Variants in SCYL2 observed in about 807,000 individuals in gnomAD.
SCYL2 encodes SCY1 like pseudokinase 2.
A neutral mutation model predicts 100.4 loss-of-function variants in SCYL2; 36 were observed. The observed-to-expected ratio is 0.36, with a 90% CI of 0.27 to 0.47. The LOEUF (loss-of-function observed/expected upper bound fraction) is 0.47. Among genes scored for constraint, SCYL2 ranks in the 20% least tolerant of loss-of-function variants. The pLI is 1.00. For synonymous variants in SCYL2, 330 were observed against 359.2 expected, an observed-to-expected ratio of 0.92 and a Z score of 0.92; for missense variants, 902 against 1,083.9, an observed-to-expected ratio of 0.83 and a Z score of 2.36.
At chr12:100,323,711 A>G in intron 11 of SCYL2, 73 bp downstream of exon 11, 1 of 791,618 alleles carries the variant, frequency 1.3e-6, no homozygotes, top group African/African-American at 1.7e-5. Context: ...TTATTGTTTA[A>G]TAACCCTTTT....
intron 3 of SCYL2, among the ~76,000 whole-genome samples, chr12:100,294,024 G>A (rs1395068294): frequency 3.0e-4 from 46 of 150,880 alleles, no homozygotes; most frequent in African/African-American, 9.7e-4. Context: ...ATCCTGGCCC[G>A]TTCTCAATGA....
At chr12:100,285,533 G>A (rs899448182) in intron 2 of SCYL2, among the ~76,000 whole-genome samples, 2 of 152,122 alleles carry the variant, frequency 1.3e-5, no homozygotes, top group African/African-American at 4.8e-5. Flanking sequence ...AGCAGTTACA[G>A]TTTCTTCACA....
chr12:100,297,817 G>A (rs1201535588), intron 3 of SCYL2, among the ~76,000 whole-genome samples: 2 of 152,004 alleles, frequency 1.3e-5, no homozygotes, highest in Admixed American at 1.3e-4. Flanking sequence ...ACAACACTTA[G>A]TTTAAAAGAC....
chr12:100,313,013 T>G lies in SCYL2; in HGVS notation c.852+360T>G, dbSNP rs1287970563. ...GGTGGCACATGCCTGTAGTCCCAGC[T>G]ACTTGGAAGGCCGATCAGGGTGGGA... On this transcript the variant is annotated intron_variant, in intron 6 of 17. Transcript: ENST00000360820. Among the ~76,000 whole-genome samples, 3 of 152,102 alleles carry G rather than the reference T, an allele frequency of 2.0e-5. No individual in the cohort carries two copies. In the East Asian group the frequency reaches 5.8e-4, roughly 29 times the overall value.
intron 9 of SCYL2, among the ~76,000 whole-genome samples, chr12:100,317,077 CAGAG>C (rs2096349711): frequency 6.7e-6 from 1 of 148,242 alleles, no homozygotes; most frequent in Admixed American, 6.8e-5. Context: ...GCCTGGGTGA[CAGAG>C]TGAGTGAGGC....
At chr12:100,303,376 T>C (rs546209141) in intron 4 of SCYL2, among the ~76,000 whole-genome samples, 1 of 152,356 alleles carries the variant, frequency 6.6e-6, no homozygotes, top group African/African-American at 2.4e-5. Flanking sequence ...TTTCCTCATC[T>C]TCATGGATTT....
chr12:100,291,468 T>C, intron 2 of SCYL2, 35 bp from the exon 3 acceptor site: 1 of 1,353,184 alleles, frequency 7.4e-7, no homozygotes, highest in Non-Finnish European at 1.0e-6. Flanking sequence ...CTTTTCTATA[T>C]TTCTTGACTA....
chr12:100,304,488 T>A (rs1264363217), intron 4 of SCYL2, among the ~76,000 whole-genome samples: 1 of 152,152 alleles, frequency 6.6e-6, no homozygotes, highest in Non-Finnish European at 1.5e-5. Flanking sequence ...ATACAGTCTC[T>A]CATGGCTTCC....
chr12:100,311,226 G>A (rs754386691), intron 5 of SCYL2, 33 bp downstream of exon 5: 6 of 1,567,414 alleles, frequency 3.8e-6, no homozygotes, highest in Non-Finnish European at 4.3e-6. Flanking sequence ...AATTTTTGAG[G>A]CCAGGGAAAT....
intron 2 of SCYL2, 64 bp downstream of exon 2, chr12:100,283,211 G>A (rs1019818226): frequency 3.6e-6 from 5 of 1,391,852 alleles, no homozygotes; most frequent in African/African-American, 2.9e-5. Context: ...AAATGCATGT[G>A]TGCATTTTTA....
In SCYL2 at chr12:100,341,555, T is replaced by C. The variant is rs1450751192; in HGVS notation, c.*2383T>C. The C allele has an allele frequency of 6.6e-6, 1 of 152,210 alleles. No homozygotes were observed. The highest frequency in any genetic ancestry group is 2.4e-5 in the African/African-American group (1 of 41,458). 9.4% of individuals were successfully genotyped at this position (152,210 alleles called of 1,614,324 possible). A position where few individuals can be genotyped will look rare whatever the true frequency, so the allele number is the denominator to read the frequency against. ...TTTGTTTGTTTTTATTTTGGAATGC[T>C]TATAAGCCTCCTTTACACTGAATAA... On this transcript the variant is annotated 3_prime_UTR_variant, in exon 18 of 18. Coordinates refer to ENST00000360820, the MANE Select transcript of SCYL2 (RefSeq NM_017988.6).
At chr12:100,293,716 G>C (rs922081334) in intron 3 of SCYL2, among the ~76,000 whole-genome samples, 2 of 151,848 alleles carry the variant, frequency 1.3e-5, no homozygotes, top group African/African-American at 4.8e-5. Context: ...TGAGATTAGG[G>C]AGTGGTGACG....
chr12:100,313,661 T>G, intron 7 of SCYL2, 123 bp downstream of exon 7: 1 of 597,952 alleles, frequency 1.7e-6, no homozygotes, highest in South Asian at 2.1e-5. Context: ...TAAGTTCTTC[T>G]AAAGCAACAG....
intron 3 of SCYL2, among the ~76,000 whole-genome samples, chr12:100,295,905 T>C (rs2096319760): frequency 6.6e-6 from 1 of 152,052 alleles, no homozygotes; most frequent in Non-Finnish European, 1.5e-5. Context: ...GTGAGCTCCA[T>C]GGAGCAGATG....
At chr12:100,277,193 C>A (rs945177392) in intron 1 of SCYL2, among the ~76,000 whole-genome samples, 3 of 152,132 alleles carry the variant, frequency 2.0e-5, no homozygotes, top group Admixed American at 2.0e-4. Flanking sequence ...TACGTGTCTA[C>A]ATGAAAACCA....
intron 10 of SCYL2, among the ~76,000 whole-genome samples, chr12:100,320,374 G>A (rs926054371): frequency 1.3e-5 from 2 of 151,720 alleles, no homozygotes; most frequent in African/African-American, 2.4e-5. Context: ...GCGAAACCCC[G>A]TCTCTACTAA....
At chr12:100,310,472 A>G (rs1291680622) in intron 4 of SCYL2, among the ~76,000 whole-genome samples, 1 of 152,216 alleles carries the variant, frequency 6.6e-6, no homozygotes, top group African/African-American at 2.4e-5. Flanking sequence ...GTCAGTGTGC[A>G]TTGGCTTGCC....
intron 2 of SCYL2, among the ~76,000 whole-genome samples, chr12:100,288,468 G>C (rs1375104910): frequency 1.3e-5 from 2 of 151,988 alleles, no homozygotes; most frequent in Non-Finnish European, 2.9e-5. Context: ...TTTTCTTCGT[G>C]AACTATAGTG....
intron 3 of SCYL2, 35 bp downstream of exon 3, chr12:100,291,695 C>T (rs753694549): frequency 6.6e-7 from 1 of 1,519,928 alleles, no homozygotes; most frequent in Non-Finnish European, 8.8e-7. Context: ...AGTAGACTTC[C>T]TGAACAAATA....
Sources: allele counts gnomAD v4.1 joint callset (sites outside exome capture counted in the v4.1 genomes callset), GRCh38; gene constraint gnomAD v4.1.1; transcripts MANE v1.5; gene names NCBI Gene and HGNC (gene_info 2026-07-23, HGNC 2026-07-21).